The following PTER variants were observed in gnomAD, a reference collection of about 807,000 sequenced individuals.
The protein encoded by PTER is N-acetyltaurine hydrolase.
A neutral mutation model predicts 29.6 loss-of-function variants in PTER; 38 were observed. That is an observed-to-expected ratio of 1.28 (90% confidence interval 0.99 to 1.68). PTER has a LOEUF of 1.68. Ranked by LOEUF, PTER falls within the 40% of genes most tolerant of loss-of-function variation. The pLI is 0.00. For synonymous variants in PTER, 172 were observed against 154.5 expected (o/e 1.11, Z -0.84); for missense variants, 482 against 427.8 (o/e 1.13, Z -1.12).
At chr10:16,458,848 T>C (rs1430440217) in intron 1 of PTER, among the ~76,000 whole-genome samples, 1 of 152,120 alleles carries the variant, frequency 6.6e-6, no homozygotes, top group Non-Finnish European at 1.5e-5. Context: ...TCACAACCAC[T>C]AACATTGACA....
intron 1 of PTER, among the ~76,000 whole-genome samples, chr10:16,483,462 T>C (rs112426563): frequency 0.013 from 2,039 of 152,246 alleles, 44 homozygotes; most frequent in African/African-American, 0.044. Context: ...GAGTCAGAGA[T>C]CTTGTCTTTT....
intron 1 of PTER, among the ~76,000 whole-genome samples, chr10:16,455,162 G>A (rs990615298): frequency 2.0e-5 from 3 of 152,168 alleles, no homozygotes; most frequent in African/African-American, 4.8e-5. Flanking sequence ...CTGGGAGTCA[G>A]AGGTTGCAGT....
chr10:16,508,454 A>G (rs1836679468), intron 4 of PTER, among the ~76,000 whole-genome samples: 1 of 152,006 alleles, frequency 6.6e-6, no homozygotes, highest in Non-Finnish European at 1.5e-5. Flanking sequence ...TGTGGTAGTG[A>G]GGTGCATCTT....
chr10:16,464,042 G>T (rs925261633), intron 1 of PTER, among the ~76,000 whole-genome samples: 1 of 151,906 alleles, frequency 6.6e-6, no homozygotes, highest in African/African-American at 2.4e-5. Context: ...CTACTTCACC[G>T]GTACATTAGG....
intron 3 of PTER, among the ~76,000 whole-genome samples, chr10:16,504,605 A>G (rs912886980): frequency 6.6e-6 from 1 of 152,216 alleles, no homozygotes; most frequent in Non-Finnish European, 1.5e-5. Context: ...CTAATTCACC[A>G]GACCTGAGGC....
At chr10:16,508,769 A>G (rs1165978588) in intron 4 of PTER, among the ~76,000 whole-genome samples, 2 of 152,150 alleles carry the variant, frequency 1.3e-5, no homozygotes, top group Admixed American at 1.3e-4. Context: ...TAAACCATGC[A>G]TTCTCGCTTG....
chr10:16,437,932 A>G lies in PTER; in HGVS notation c.-49+885A>G, dbSNP rs117234468. Reference sequence around the variant, plus strand: ...AGGCAGTAAGAGGGGTTGCTGATTTAAAGAACTTTGGACCCAGAAAGAGTA... The same window carrying G: ...AGGCAGTAAGAGGGGTTGCTGATTTGAAGAACTTTGGACCCAGAAAGAGTA... On this transcript the variant is annotated intron_variant, in intron 1 of 4. Coordinates refer to ENST00000535784, the MANE Select transcript of PTER (RefSeq NM_001261836.2). Among the ~76,000 whole-genome samples, 541 of 152,336 alleles carry G rather than the reference A, an allele frequency of 3.6e-3. 4 individuals carry two copies. Among genetic ancestry groups the G allele is most frequent in the Non-Finnish European group, 6.3e-3 (430 of 68,030 alleles).
intron 1 of PTER, among the ~76,000 whole-genome samples, chr10:16,444,544 T>A (rs752436311): frequency 6.6e-6 from 1 of 151,986 alleles, no homozygotes; most frequent in African/African-American, 2.4e-5. Flanking sequence ...GGCACAGGGA[T>A]GCACCTGGTT....
At chr10:16,470,097 A>G (rs916367485) in intron 1 of PTER, among the ~76,000 whole-genome samples, 4 of 152,172 alleles carry the variant, frequency 2.6e-5, no homozygotes, top group Non-Finnish European at 5.9e-5. Flanking sequence ...AGTGCTGTTC[A>G]TAGTCAATAT....
At chr10:16,500,541 T>A (rs557810981) in intron 3 of PTER, among the ~76,000 whole-genome samples, 1 of 152,146 alleles carries the variant, frequency 6.6e-6, no homozygotes, top group East Asian at 1.9e-4. Context: ...AGTGAGCCAA[T>A]GTGCCCGGCC....
intron 3 of PTER, among the ~76,000 whole-genome samples, chr10:16,503,048 A>G (rs1324795842): frequency 2.1e-5 from 3 of 141,204 alleles, no homozygotes; most frequent in Non-Finnish European, 4.6e-5. Flanking sequence ...AAGTAGATTC[A>G]TGGACACATG....
At chr10:16,445,055 C>T (rs922809156) in intron 1 of PTER, among the ~76,000 whole-genome samples, 4 of 151,688 alleles carry the variant, frequency 2.6e-5, no homozygotes, top group African/African-American at 4.8e-5. Flanking sequence ...TCTACATTAG[C>T]GAATTTTTGA....
At chr10:16,468,235 G>A (rs906951552) in intron 1 of PTER, among the ~76,000 whole-genome samples, 5 of 152,110 alleles carry the variant, frequency 3.3e-5, no homozygotes, top group East Asian at 1.9e-4. Context: ...CTAGCTACTC[G>A]GAAGGCCGAG....
chr10:16,470,308 T>C (rs1312241729), intron 1 of PTER, among the ~76,000 whole-genome samples: 3 of 152,230 alleles, frequency 2.0e-5, no homozygotes, highest in Admixed American at 6.5e-5. Context: ...TTATTGTTGG[T>C]TCCCAGCCTC....
chr10:16,444,064 C>T (rs957174399), intron 1 of PTER, among the ~76,000 whole-genome samples: 12 of 150,128 alleles, frequency 8.0e-5, no homozygotes, highest in Admixed American at 3.3e-4. Context: ...TGCATTGGCG[C>T]GATCTCGGCT....
intron 1 of PTER, among the ~76,000 whole-genome samples, chr10:16,454,612 AT>A (rs1270451796): frequency 6.6e-6 from 1 of 152,134 alleles, no homozygotes; most frequent in East Asian, 1.9e-4. Context: ...GAATTAGCCT[AT>A]TGAATCAGGA....
chr10:16,474,720 C>T (rs10795397), intron 1 of PTER, among the ~76,000 whole-genome samples: 98,599 of 151,824 alleles, frequency 0.65, 33,896 homozygotes, highest in African/African-American at 0.88. Flanking sequence ...ACTCCGTCTC[C>T]GCTAAAAATA....
intron 1 of PTER, among the ~76,000 whole-genome samples, chr10:16,472,355 A>C (rs1277013593): frequency 1.3e-5 from 2 of 152,190 alleles, no homozygotes; most frequent in Non-Finnish European, 2.9e-5. Context: ...GAATTGTAAT[A>C]ATCCCCATGT....
At chr10:16,509,918 T>G (rs45555839) in intron 4 of PTER, among the ~76,000 whole-genome samples, 7,777 of 152,218 alleles carry the variant, frequency 0.051, 269 homozygotes, top group Non-Finnish European at 0.08. Flanking sequence ...GGCTTTGTGC[T>G]TGAGTTTTTT....
Sources: gnomAD v4.1 joint callset for allele counts (sites outside exome capture counted in the v4.1 genomes callset) on GRCh38, gnomAD v4.1.1 for gene constraint, MANE v1.5 for transcripts, NCBI Gene and HGNC (gene_info 2026-07-23, HGNC 2026-07-21) for gene names.